Variants in PIKFYVE observed in about 807,000 individuals in gnomAD.
The protein encoded by PIKFYVE is 1-phosphatidylinositol 3-phosphate 5-kinase.
In PIKFYVE, 122 loss-of-function variants were observed where a neutral mutation model predicts 257.9. The ratio of observed to expected loss-of-function variants is 0.47; its 90% confidence interval spans 0.41 to 0.55. The LOEUF is 0.55. PIKFYVE is among the 20% of genes least tolerant of loss of function. PIKFYVE has a pLI of 0.00. For missense variants in PIKFYVE, 2,160 were observed against 2,536.6 expected, an observed-to-expected ratio of 0.85 and a Z score of 3.19; for synonymous variants, 892 against 868.9, an observed-to-expected ratio of 1.03 and a Z score of -0.47.
At chr2:208,273,162 C>G (rs192243196) in intron 2 of PIKFYVE, among the ~76,000 whole-genome samples, 50 of 152,334 alleles carry the variant, frequency 3.3e-4, no homozygotes, top group African/African-American at 1.2e-3. Flanking sequence ...CAAAAAATCC[C>G]TGCCTTCATA....
At chr2:208,267,122 G>A (rs1688738828) in intron 1 of PIKFYVE, among the ~76,000 whole-genome samples, 1 of 152,250 alleles carries the variant, frequency 6.6e-6, no homozygotes, top group Non-Finnish European at 1.5e-5. Flanking sequence ...TGTATCTGAT[G>A]TGTATACATG....
chr2:208,307,302 T>G (rs1292632244), intron 12 of PIKFYVE, among the ~76,000 whole-genome samples: 1 of 152,226 alleles, frequency 6.6e-6, no homozygotes, highest in Non-Finnish European at 1.5e-5. Flanking sequence ...TAATATTGAT[T>G]GATGACTAAA....
In PIKFYVE at chr2:208,288,760, C is replaced by T; in HGVS notation, c.853C>T (p.Leu285Phe). The T allele has an allele frequency of 6.2e-7, 1 of 1,614,042 alleles. No homozygotes were observed. Among genetic ancestry groups the T allele is most frequent in the Non-Finnish European group, 8.5e-7 (1 of 1,179,976 alleles). Residue 285 changes from leucine (L) to phenylalanine (F), a missense_variant, in exon 7 of 42, where the codon CTT becomes TTT. Physicochemically the swap from Leu to Phe is conservative, Grantham distance 22 (BLOSUM62 0). Coordinates refer to ENST00000264380, the MANE Select transcript of PIKFYVE (RefSeq NM_015040.4). ...TCATCCAGATTCCTCAAATACTCCTCTTTCAACAAGACTTGTATCTGTGCA... is the reference window on the plus strand; with the variant it reads ...TCATCCAGATTCCTCAAATACTCCTTTTTCAACAAGACTTGTATCTGTGCA... ...LIHPDSSNTP[L>F]STRLVSVQED... is the part of the protein sequence containing the mutation.
rs147348131 is a variant in PIKFYVE at position 208,285,126 on chromosome 2, G to A, written c.614-600G>A. 5.3e-3 allele frequency among the ~76,000 whole-genome samples: 800 copies of A among 151,982 alleles called. 8 individuals are homozygous for A. Among genetic ancestry groups the A allele is most frequent in the East Asian group, 0.02 (102 of 5,168 alleles). ...TTTATTTATTTTGAGACGGAGTTTC[G>A]TTCTTGTTGCCCAGGCTGGAGTGCA... is the stretch of plus-strand genomic sequence containing the variant. On this transcript the variant is annotated intron_variant, in intron 5 of 41. Coordinates refer to ENST00000264380, the MANE Select transcript of PIKFYVE (RefSeq NM_015040.4).
intron 1 of PIKFYVE, among the ~76,000 whole-genome samples, chr2:208,270,715 A>C (rs1026745804): frequency 2.0e-5 from 3 of 152,144 alleles, no homozygotes; most frequent in Non-Finnish European, 4.4e-5. Context: ...TAGAAATATA[A>C]TGATTTTTAT....
intron 4 of PIKFYVE, among the ~76,000 whole-genome samples, chr2:208,277,223 G>A (rs1369781040): frequency 4.6e-5 from 7 of 152,136 alleles, no homozygotes; most frequent in African/African-American, 9.6e-5. Context: ...AAATTCCACC[G>A]TAAGTCCATA....
At chr2:208,302,164 T>G in intron 9 of PIKFYVE, 78 bp from the exon 10 acceptor site, 1 of 1,249,426 alleles carries the variant, frequency 8.0e-7, no homozygotes, top group Non-Finnish European at 1.2e-6. Flanking sequence ...AAAAAATATT[T>G]TAAGGTTGTG....
At position 208,307,756 on chromosome 2, in the gene PIKFYVE, A is replaced by T. The variant is rs1694497647; in HGVS notation, c.1636+2743A>T. ...AACCCCATTTCCATTTTTTATGGTG[A>T]TACAAGATTGATAAATCAGAAGACT... On this transcript the variant is annotated intron_variant, in intron 12 of 41. Transcript: ENST00000264380. Among the ~76,000 whole-genome samples, 4 of 152,162 alleles carry T rather than the reference A, an allele frequency of 2.6e-5. 1 individual carries two copies. In the South Asian group the frequency reaches 8.3e-4, roughly 32 times the overall value.
In PIKFYVE at chr2:208,305,439, A is replaced by G. The variant is rs542422210; in HGVS notation, c.1636+426A>G. 264 of 1,011,098 alleles carry G rather than the reference A, an allele frequency of 2.6e-4. 1 individual carries two copies. In the Middle Eastern group the frequency reaches 3.4e-3, roughly 13 times the overall value. 62.6% of individuals were successfully genotyped at this position (1,011,098 alleles called of 1,614,324 possible). A position where few individuals can be genotyped will look rare whatever the true frequency, so the allele number is the denominator to read the frequency against. On this transcript the variant is annotated intron_variant, in intron 12 of 41. Transcript: ENST00000264380. Reference sequence around the variant, plus strand: ...TCACTAAACCCATTAAGATGCTTGAACTAGATTGGGGGAAAATCATTCACA... The same window carrying G: ...TCACTAAACCCATTAAGATGCTTGAGCTAGATTGGGGGAAAATCATTCACA...
intron 21 of PIKFYVE, 127 bp from the exon 22 acceptor site, chr2:208,329,715 A>G (rs564118113): frequency 4.3e-5 from 63 of 1,464,872 alleles, no homozygotes; most frequent in Non-Finnish European, 5.7e-5. Flanking sequence ...ACAACAAAGA[A>G]CATTACCTCC....
At chr2:208,316,107 T>C (rs1199662914) in intron 15 of PIKFYVE, among the ~76,000 whole-genome samples, 2 of 143,804 alleles carry the variant, frequency 1.4e-5, no homozygotes, top group Admixed American at 7.2e-5. Flanking sequence ...TTCCCATCTA[T>C]GAGTGAGAAC....
chr2:208,312,983 A>G (rs796295902), intron 13 of PIKFYVE, among the ~76,000 whole-genome samples: 23 of 152,364 alleles, frequency 1.5e-4, no homozygotes, highest in African/African-American at 3.6e-4. Context: ...CAGTGCTTCT[A>G]AATTCATCTC....
At chr2:208,268,442 T>G (rs955936452) in intron 1 of PIKFYVE, among the ~76,000 whole-genome samples, 1 of 150,346 alleles carries the variant, frequency 6.7e-6, no homozygotes, top group Non-Finnish European at 1.5e-5. Context: ...TTTTTTTTTT[T>G]TTTCCCTAAA....
At chr2:208,330,819 C>T (rs1483295587) in intron 23 of PIKFYVE, 125 bp downstream of exon 23, 8 of 981,688 alleles carry the variant, frequency 8.1e-6, no homozygotes, top group Non-Finnish European at 1.2e-5. Flanking sequence ...CTCTATTTGT[C>T]ATTGTTATTT....
intron 31 of PIKFYVE, among the ~76,000 whole-genome samples, chr2:208,341,936 T>C (rs1698744918): frequency 9.5e-6 from 1 of 105,392 alleles, no homozygotes; most frequent in Non-Finnish European, 2.0e-5. Flanking sequence ...CACTACACTA[T>C]AAACCCTATG....
At chr2:208,269,241 C>G (rs938528525) in intron 1 of PIKFYVE, 14 of 152,334 alleles carry the variant, frequency 9.2e-5, no homozygotes, top group African/African-American at 3.1e-4. Context: ...AGGGAGGAAC[C>G]TTGTCTTTAT....
chr2:208,330,767 G>GA (rs1697449836), intron 23 of PIKFYVE, 73 bp downstream of exon 23: 4 of 1,464,506 alleles, frequency 2.7e-6, no homozygotes, highest in African/African-American at 1.4e-5. Flanking sequence ...TTTTCCTGAG[G>GA]AGGTTTCCTA....
intron 6 of PIKFYVE, among the ~76,000 whole-genome samples, chr2:208,287,566 G>T (rs997132055): frequency 1.3e-5 from 2 of 151,574 alleles, no homozygotes; most frequent in Admixed American, 1.3e-4. Context: ...GAGCCACCGC[G>T]CCTGGCCAGA....
chr2:208,287,286 T>C (rs1574459949), intron 6 of PIKFYVE, among the ~76,000 whole-genome samples: 2 of 120,816 alleles, frequency 1.7e-5, no homozygotes, highest in Admixed American at 1.7e-4. Flanking sequence ...TTTTTTTTTT[T>C]GAGACAGAGT....
Sources: gnomAD v4.1 joint callset for allele counts (sites outside exome capture counted in the v4.1 genomes callset) on GRCh38, gnomAD v4.1.1 for gene constraint, MANE v1.5 for transcripts, NCBI Gene and HGNC (gene_info 2026-07-23, HGNC 2026-07-21) for gene names.